PDGFC: variants seen among roughly 807,000 people sequenced by gnomAD.
PDGFC encodes the protein platelet derived growth factor C.
A neutral mutation model predicts 35.5 loss-of-function variants in PDGFC; 12 were observed. The observed-to-expected ratio is 0.34, with a 90% CI of 0.22 to 0.55. The LOEUF (loss-of-function observed/expected upper bound fraction) is 0.55. PDGFC is among the 20% of genes least tolerant of loss of function. The pLI is 0.91. For synonymous variants in PDGFC, 159 were observed against 148.8 expected (o/e 1.07, Z -0.50); for missense variants, 322 against 412.4 (o/e 0.78, Z 1.90).
At chr4:156,840,575 AC>A in intron 2 of PDGFC, among the ~76,000 whole-genome samples, 1 of 152,196 alleles carries the variant, frequency 6.6e-6, no homozygotes. Context: ...GAAAGTCCCC[AC>A]TGGGGCACTG....
At chr4:156,965,416 A>AAATT (rs748707459) in intron 1 of PDGFC, among the ~76,000 whole-genome samples, 1 of 152,168 alleles carries the variant, frequency 6.6e-6, no homozygotes, top group Non-Finnish European at 1.5e-5. Flanking sequence ...GGTAGATAAT[A>AAATT]AATTAATTAA....
intron 3 of PDGFC, 43 bp downstream of exon 3, chr4:156,810,794 A>T: frequency 8.0e-7 from 1 of 1,242,588 alleles, no homozygotes; most frequent in Non-Finnish European, 1.1e-6. Flanking sequence ...AAGAAACAAA[A>T]AGCTGATCCA....
At chr4:156,804,328 A>G (rs1317465364) in intron 3 of PDGFC, among the ~76,000 whole-genome samples, 1 of 152,102 alleles carries the variant, frequency 6.6e-6, no homozygotes, top group Non-Finnish European at 1.5e-5. Context: ...ATGAAAACAC[A>G]GATAATTGAG....
intron 1 of PDGFC, among the ~76,000 whole-genome samples, chr4:156,901,105 G>C (rs1276187016): frequency 2.0e-5 from 3 of 152,152 alleles, no homozygotes; most frequent in Non-Finnish European, 1.5e-5. Flanking sequence ...TTCTCAAATT[G>C]TATCATGCAC....
At chr4:156,916,654 T>C (rs1560871915) in intron 1 of PDGFC, among the ~76,000 whole-genome samples, 1 of 152,206 alleles carries the variant, frequency 6.6e-6, no homozygotes, top group Non-Finnish European at 1.5e-5. Flanking sequence ...AGTGGTTCCC[T>C]ACCCAAGGCC....
intron 1 of PDGFC, among the ~76,000 whole-genome samples, chr4:156,865,221 C>T (rs1390625379): frequency 1.3e-5 from 2 of 151,532 alleles, no homozygotes; most frequent in African/African-American, 4.9e-5. Flanking sequence ...CACGCAGATA[C>T]AAACACATAC....
intron 2 of PDGFC, among the ~76,000 whole-genome samples, chr4:156,825,587 T>TAAGAAGAAG (rs1390899557): frequency 7.9e-3 from 687 of 86,976 alleles, no homozygotes; most frequent in Non-Finnish European, 9.0e-3. Context: ...ATAATAATAA[T>TAAGAAGAAG]AATAATAAGA....
chr4:156,812,705 T>C (rs2110950154), intron 2 of PDGFC, among the ~76,000 whole-genome samples: 1 of 152,224 alleles, frequency 6.6e-6, no homozygotes, highest in Middle Eastern at 3.4e-3. Context: ...CTTAAACTAC[T>C]TCAGCTTCAT....
intron 1 of PDGFC, among the ~76,000 whole-genome samples, chr4:156,852,963 A>G (rs1729490785): frequency 6.6e-6 from 1 of 152,186 alleles, no homozygotes; most frequent in East Asian, 1.9e-4. Flanking sequence ...GCCTCCAGAA[A>G]GGAGTCTAGT....
At chr4:156,906,035 T>C (rs1289027071) in intron 1 of PDGFC, among the ~76,000 whole-genome samples, 1 of 152,180 alleles carries the variant, frequency 6.6e-6, no homozygotes, top group African/African-American at 2.4e-5. Flanking sequence ...CACAGAGATA[T>C]ACATTTATAA....
At chr4:156,846,031 A>G (rs749379848) in intron 2 of PDGFC, among the ~76,000 whole-genome samples, 11 of 151,822 alleles carry the variant, frequency 7.2e-5, no homozygotes, top group Non-Finnish European at 1.6e-4. Flanking sequence ...TCTAATAAGG[A>G]CACATTGTGA....
chr4:156,822,832 G>A (rs541191272), intron 2 of PDGFC, among the ~76,000 whole-genome samples: 4 of 151,922 alleles, frequency 2.6e-5, no homozygotes, highest in Non-Finnish European at 5.9e-5. Flanking sequence ...TGCGATCTCG[G>A]CTCACTGCAA....
intron 1 of PDGFC, among the ~76,000 whole-genome samples, chr4:156,937,540 G>T (rs1731712877): frequency 6.7e-6 from 1 of 148,378 alleles, no homozygotes; most frequent in African/African-American, 2.6e-5. Context: ...TCTCTACAAA[G>T]AATACAAAAA....
chr4:156,839,358 T>A (rs1469944145), intron 2 of PDGFC, among the ~76,000 whole-genome samples: 7 of 152,166 alleles, frequency 4.6e-5, no homozygotes, highest in Non-Finnish European at 1.0e-4. Flanking sequence ...ATAAGGGGCT[T>A]TTTCCCCTTT....
At chr4:156,846,790 G>T (rs1729336709) in intron 2 of PDGFC, among the ~76,000 whole-genome samples, 1 of 151,532 alleles carries the variant, frequency 6.6e-6, no homozygotes, top group Non-Finnish European at 1.5e-5. Flanking sequence ...GAATAATAAA[G>T]ATATTTTCCC....
At position 156,897,350 on chromosome 4, in the gene PDGFC, A is replaced by ATGTGTGTGTGTGTGTG. The variant is rs70956698; in HGVS notation, c.119-46950_119-46935dup. Among the ~76,000 whole-genome samples the ATGTGTGTGTGTGTGTG allele has an allele frequency of 4.3e-4, 62 of 143,088 alleles. No homozygotes were observed. The Middle Eastern group carries it at 0.018, about 42-fold the overall frequency. The allele number at this position is 143,088 out of a possible 152,430, so 93.9% of individuals were successfully genotyped here. ...AATATGAGAGAGTGTGTGAGAGTGT[A>ATGTGTGTGTGTGTGTG]TGTGTGTGTGTGTGTGTGTGTGTGT... On this transcript the variant is annotated intron_variant, in intron 1 of 5. Coordinates refer to ENST00000502773, the MANE Select transcript of PDGFC (RefSeq NM_016205.3).
At chr4:156,814,122 T>G (rs536988890) in intron 2 of PDGFC, among the ~76,000 whole-genome samples, 67 of 114,326 alleles carry the variant, frequency 5.9e-4, no homozygotes, top group Middle Eastern at 4.5e-3. Context: ...CTACTTTCTA[T>G]GATTTAAAAA....
At chr4:156,766,465 C>G (rs1192834843) in intron 5 of PDGFC, among the ~76,000 whole-genome samples, 1 of 152,036 alleles carries the variant, frequency 6.6e-6, no homozygotes, top group Non-Finnish European at 1.5e-5. Flanking sequence ...ATTATTATAT[C>G]CCATCTCCTC....
chr4:156,792,055 T>G (rs1731312853), intron 3 of PDGFC, among the ~76,000 whole-genome samples: 1 of 152,160 alleles, frequency 6.6e-6, no homozygotes, highest in African/African-American at 2.4e-5. Context: ...ATGGTTAACA[T>G]CTGTAAAAAA....
Sources: allele counts gnomAD v4.1 joint callset (sites outside exome capture counted in the v4.1 genomes callset), GRCh38; gene constraint gnomAD v4.1.1; transcripts MANE v1.5; gene names NCBI Gene and HGNC (gene_info 2026-07-23, HGNC 2026-07-21).